Variants in SUGCT observed in about 807,000 individuals in gnomAD.
SUGCT encodes the protein succinyl-CoA:glutarate CoA-transferase.
In SUGCT, 41 loss-of-function variants were observed where a neutral mutation model predicts 55.0. The observed-to-expected ratio is 0.74, with a 90% CI of 0.58 to 0.97. The LOEUF is 0.97. Among genes scored for constraint, SUGCT ranks in the 50% least tolerant of loss-of-function variants. The pLI, the probability that SUGCT is intolerant of heterozygous loss-of-function variation, is 0.00. For synonymous variants in SUGCT, 187 were observed against 200.4 expected, an observed-to-expected ratio of 0.93 and a Z score of 0.56; for missense variants, 568 against 547.8, an observed-to-expected ratio of 1.04 and a Z score of -0.37.
At chr7:40,206,455 A>G (rs1314440527) in intron 6 of SUGCT, among the ~76,000 whole-genome samples, 1 of 152,238 alleles carries the variant, frequency 6.6e-6, no homozygotes, top group African/African-American at 2.4e-5. Flanking sequence ...GAACCTGGAA[A>G]GATCAGGGAT....
intron 1 of SUGCT, among the ~76,000 whole-genome samples, chr7:40,149,063 A>G (rs114527617): frequency 0.017 from 2,661 of 152,194 alleles, 74 homozygotes; most frequent in African/African-American, 0.062. Context: ...AACCTTGGAG[A>G]GTCCTTGAGG....
intron 13 of SUGCT, among the ~76,000 whole-genome samples, chr7:40,797,670 A>C (rs1187049766): frequency 6.6e-6 from 1 of 152,088 alleles, no homozygotes. Flanking sequence ...TTCTCAGCCC[A>C]CTTTATTGTT....
At chr7:40,278,085 T>C (rs1476071391) in intron 8 of SUGCT, among the ~76,000 whole-genome samples, 1 of 152,250 alleles carries the variant, frequency 6.6e-6, no homozygotes, top group East Asian at 1.9e-4. Flanking sequence ...ATCCAGTCTA[T>C]CATTGTTGGA....
At chr7:40,632,056 A>C (rs1799813295) in intron 12 of SUGCT, among the ~76,000 whole-genome samples, 1 of 152,156 alleles carries the variant, frequency 6.6e-6, no homozygotes, top group Non-Finnish European at 1.5e-5. Flanking sequence ...CAGGAGCAGG[A>C]TCTCATTTCC....
chr7:40,855,469 A>G (rs1794123749), intron 13 of SUGCT, among the ~76,000 whole-genome samples: 1 of 152,008 alleles, frequency 6.6e-6, no homozygotes, highest in South Asian at 2.1e-4. Context: ...TAACAATAAT[A>G]CTGGAAAATG....
chr7:40,533,392 A>G (rs939078710), intron 12 of SUGCT, among the ~76,000 whole-genome samples: 3 of 152,124 alleles, frequency 2.0e-5, no homozygotes, highest in Non-Finnish European at 4.4e-5. Context: ...TTAGAATATC[A>G]ATTAAGTGTT....
chr7:40,691,746 C>T (rs950827249), intron 12 of SUGCT, among the ~76,000 whole-genome samples: 1 of 152,210 alleles, frequency 6.6e-6, no homozygotes, highest in East Asian at 1.9e-4. Flanking sequence ...GATGAACTCA[C>T]CTAAAACTTG....
intron 12 of SUGCT, among the ~76,000 whole-genome samples, chr7:40,508,857 T>A (rs549099580): frequency 2.0e-5 from 3 of 152,306 alleles, no homozygotes; most frequent in African/African-American, 7.2e-5. Context: ...TAAATTTATT[T>A]TACTCTGAGC....
intron 12 of SUGCT, among the ~76,000 whole-genome samples, chr7:40,508,205 T>G (rs1201290639): frequency 3.3e-5 from 5 of 152,172 alleles, no homozygotes; most frequent in African/African-American, 1.2e-4. Flanking sequence ...GTGAGTGCCC[T>G]TAGTCTTTTT....
At chr7:40,851,698 A>C (rs1265061573) in intron 13 of SUGCT, among the ~76,000 whole-genome samples, 1 of 152,246 alleles carries the variant, frequency 6.6e-6, no homozygotes, top group Non-Finnish European at 1.5e-5. Flanking sequence ...AGTAAAAGTA[A>C]AAGTACCTTA....
intron 8 of SUGCT, among the ~76,000 whole-genome samples, chr7:40,310,070 A>G (rs181199058): frequency 3.3e-5 from 5 of 152,332 alleles, no homozygotes; most frequent in African/African-American, 1.2e-4. Context: ...ACATTCTTCC[A>G]AAGAGTACTG....
chr7:40,558,685 G>T (rs139488235), intron 12 of SUGCT, among the ~76,000 whole-genome samples: 1 of 152,284 alleles, frequency 6.6e-6, no homozygotes. Context: ...AGTTCAGGAC[G>T]TAGTGGTGAT....
At chr7:40,395,520 A>G (rs990770383) in intron 9 of SUGCT, among the ~76,000 whole-genome samples, 1 of 151,670 alleles carries the variant, frequency 6.6e-6, no homozygotes, top group Admixed American at 6.6e-5. Flanking sequence ...AAAAAGAAAA[A>G]AAAATTCAAT....
intron 9 of SUGCT, among the ~76,000 whole-genome samples, chr7:40,447,351 G>A (rs533889732): frequency 4.6e-5 from 7 of 152,190 alleles, no homozygotes; most frequent in Non-Finnish European, 8.8e-5. Context: ...AGAAAATCCT[G>A]CAGAAAGGGT....
chr7:40,408,691 G>A (rs547697912), intron 9 of SUGCT, among the ~76,000 whole-genome samples: 5 of 151,966 alleles, frequency 3.3e-5, no homozygotes, highest in East Asian at 3.9e-4. Flanking sequence ...TTCTAATTAC[G>A]AAATGGAAGC....
intron 12 of SUGCT, among the ~76,000 whole-genome samples, chr7:40,550,107 T>C (rs1392077169): frequency 6.6e-6 from 1 of 152,210 alleles, no homozygotes; most frequent in African/African-American, 2.4e-5. Flanking sequence ...TTGCTGTCTA[T>C]GCTGGTGGCT....
At chr7:40,951,602 T>C in the SUGCT span, among the ~76,000 whole-genome samples, 1 of 152,206 alleles carries the variant, frequency 6.6e-6, no homozygotes, top group Non-Finnish European at 1.5e-5. Flanking sequence ...GTGCTATAAA[T>C]TTCCCTCTAC....
intron 4 of SUGCT, among the ~76,000 whole-genome samples, chr7:40,188,925 G>A (rs897771083): frequency 1.3e-5 from 2 of 152,060 alleles, no homozygotes; most frequent in African/African-American, 4.8e-5. Flanking sequence ...TATCATCCTT[G>A]TTAGCATATT....
At chr7:40,472,444 A>T (rs1440527206) in intron 11 of SUGCT, among the ~76,000 whole-genome samples, 1 of 152,194 alleles carries the variant, frequency 6.6e-6, no homozygotes, top group Non-Finnish European at 1.5e-5. Context: ...CAACGGCATA[A>T]AGGAATAGCA....
Sources: gnomAD v4.1 joint callset for allele counts (sites outside exome capture counted in the v4.1 genomes callset) on GRCh38, gnomAD v4.1.1 for gene constraint, MANE v1.5 for transcripts, NCBI Gene and HGNC (gene_info 2026-07-23, HGNC 2026-07-21) for gene names.